THEMIS: variants seen among roughly 807,000 people sequenced by gnomAD.
THEMIS encodes thymocyte selection associated, also known as protein THEMIS.
Under a neutral mutation model 52.6 loss-of-function variants are expected in THEMIS, and 37 were observed. The observed-to-expected ratio is 0.70, with a 90% CI of 0.54 to 0.93. The LOEUF (loss-of-function observed/expected upper bound fraction) is 0.93. THEMIS is among the 40% of genes least tolerant of loss of function. THEMIS has a pLI of 0.00. For synonymous variants in THEMIS, 292 were observed against 272.7 expected, an observed-to-expected ratio of 1.07 and a Z score of -0.70; for missense variants, 808 against 763.1, an observed-to-expected ratio of 1.06 and a Z score of -0.69.
chr6:127,829,419 T>C (rs1034983930), intron 3 of THEMIS, 57 bp downstream of exon 3: 4 of 1,431,306 alleles, frequency 2.8e-6, no homozygotes, highest in Non-Finnish European at 3.8e-6. Context: ...AAAATCTTTC[T>C]TTCCCAAACC....
intron 1 of THEMIS, among the ~76,000 whole-genome samples, chr6:127,866,943 T>TTTTTA (rs1779997981): frequency 7.3e-6 from 1 of 137,914 alleles, no homozygotes; most frequent in Non-Finnish European, 1.6e-5. Context: ...AAGATTTTTA[T>TTTTTA]TTTTATTTTA....
intron 1 of THEMIS, among the ~76,000 whole-genome samples, chr6:127,908,069 G>C (rs1781321939): frequency 1.3e-5 from 2 of 152,034 alleles, no homozygotes; most frequent in African/African-American, 4.8e-5. Flanking sequence ...TCACCACCTG[G>C]TTTTCAAAGA....
intron 1 of THEMIS, among the ~76,000 whole-genome samples, chr6:127,877,923 A>C (rs376363424): frequency 3.3e-5 from 5 of 152,292 alleles, no homozygotes; most frequent in Admixed American, 2.0e-4. Context: ...TCTGTTCAAG[A>C]GTTTTAACCA....
At position 127,750,670 on chromosome 6, in the gene THEMIS, A is replaced by C. The variant is rs1323268216; in HGVS notation, c.1759-30847T>G. Among the ~76,000 whole-genome samples, 6 of 151,974 alleles carry C rather than the reference A, an allele frequency of 3.9e-5. No individual in the cohort carries two copies. In the East Asian group the frequency reaches 1.2e-3, roughly 29 times the overall value. On this transcript the variant is annotated intron_variant, in intron 4 of 5. Transcript: ENST00000368248. ...ACACTGACTACATAATTGCTGATGC[A>C]ATTTTAAATTAATAGTTCAAGGTTT...
chr6:127,718,884 G>T (rs1204476620), intron 5 of THEMIS, among the ~76,000 whole-genome samples: 1 of 151,720 alleles, frequency 6.6e-6, no homozygotes, highest in African/African-American at 2.4e-5. Context: ...TGCAGACAGG[G>T]TTTGGAGCAG....
At chr6:127,857,662 C>T (rs947082653) in intron 1 of THEMIS, among the ~76,000 whole-genome samples, 2 of 152,088 alleles carry the variant, frequency 1.3e-5, no homozygotes, top group Admixed American at 6.6e-5. Flanking sequence ...CTATACAAAC[C>T]TTGGTCCACC....
intron 1 of THEMIS, 35 bp downstream of exon 1, chr6:127,900,807 T>C (rs372627173): frequency 6.4e-7 from 1 of 1,563,694 alleles, no homozygotes; most frequent in African/African-American, 1.4e-5. Flanking sequence ...TTTACAAGAA[T>C]GTTCTAGCCA....
chr6:127,808,232 A>G (rs937016243), intron 4 of THEMIS, among the ~76,000 whole-genome samples: 1 of 152,198 alleles, frequency 6.6e-6, no homozygotes, highest in African/African-American at 2.4e-5. Flanking sequence ...CTGTCTTGTT[A>G]TAGACCCTTT....
chr6:127,740,364 G>GT (rs1201045120), intron 4 of THEMIS, among the ~76,000 whole-genome samples: 1 of 152,102 alleles, frequency 6.6e-6, no homozygotes. Context: ...GAAGTTACCC[G>GT]TTTGTGACCC....
intron 1 of THEMIS, among the ~76,000 whole-genome samples, chr6:127,894,986 T>C (rs1780920853): frequency 6.8e-6 from 1 of 148,088 alleles, no homozygotes; most frequent in African/African-American, 2.5e-5. Flanking sequence ...TATATGAATA[T>C]ATATATTTAT....
At chr6:127,750,316 C>T (rs1775593405) in intron 4 of THEMIS, among the ~76,000 whole-genome samples, 1 of 151,530 alleles carries the variant, frequency 6.6e-6, no homozygotes, top group South Asian at 2.1e-4. Context: ...TTGAGTCAGG[C>T]ATGTTTTTTT....
In THEMIS at chr6:127,708,324, G is replaced by A. The variant is rs899458956; in HGVS notation, c.*1661C>T. On this transcript the variant is annotated 3_prime_UTR_variant, in exon 6 of 6. Transcript: ENST00000368248. ...TGTGAAAGGACTTATATTTAGAAAT[G>A]TTATATATGATTTCTATTAGAAAGC... 3 of 152,056 alleles carry A rather than the reference G, an allele frequency of 2.0e-5. No individual in the cohort carries two copies. Among genetic ancestry groups the A allele is most frequent in the African/African-American group, 7.2e-5 (3 of 41,410 alleles). The allele number at this position is 152,056 out of a possible 1,614,324, so 9.4% of individuals were successfully genotyped here.
At chr6:127,908,666 A>C (rs1318518893) in intron 1 of THEMIS, among the ~76,000 whole-genome samples, 2 of 152,122 alleles carry the variant, frequency 1.3e-5, no homozygotes, top group Non-Finnish European at 2.9e-5. Flanking sequence ...GAGATTTTCC[A>C]GTTCTTCCCT....
rs577917343 is a variant in THEMIS, at chr6:127,757,640, G to A, written c.1759-37817C>T. ...TGGGACTACAGGCGCCCGCCACCAC[G>A]CCCGGCTAGATTTTCGTATTTTTTA... On this transcript the variant is annotated intron_variant, in intron 4 of 5. Coordinates refer to ENST00000368248, the MANE Select transcript of THEMIS (RefSeq NM_001010923.3). Among the ~76,000 whole-genome samples the A allele has an allele frequency of 9.9e-5, 15 of 152,050 alleles. No homozygotes were observed. The East Asian group carries it at 1.9e-3, about 20-fold the overall frequency.
At chr6:127,770,475 AT>A (rs1562246358) in intron 4 of THEMIS, among the ~76,000 whole-genome samples, 1 of 151,532 alleles carries the variant, frequency 6.6e-6, no homozygotes, top group Non-Finnish European at 1.5e-5. Flanking sequence ...GGGTTGTTTG[AT>A]TTTTTTCCTG....
intron 4 of THEMIS, among the ~76,000 whole-genome samples, chr6:127,730,303 A>G (rs9491854): frequency 6.9e-6 from 1 of 144,628 alleles, no homozygotes; most frequent in Admixed American, 6.8e-5. Flanking sequence ...AAAGAAAAGA[A>G]AAGAAAAGAA....
At chr6:127,841,764 AG>A (rs1779055812) in intron 2 of THEMIS, among the ~76,000 whole-genome samples, 1 of 152,064 alleles carries the variant, frequency 6.6e-6, no homozygotes, top group Admixed American at 6.6e-5. Context: ...TTATTTTAAA[AG>A]CCTGAATTTC....
chr6:127,893,843 T>C (rs1780885166), intron 1 of THEMIS, among the ~76,000 whole-genome samples: 1 of 152,010 alleles, frequency 6.6e-6, no homozygotes, highest in South Asian at 2.1e-4. Context: ...GGACAAAGAA[T>C]ATGTTTCCTT....
chr6:127,874,017 T>G (rs1780237140), intron 1 of THEMIS, among the ~76,000 whole-genome samples: 1 of 152,238 alleles, frequency 6.6e-6, no homozygotes, highest in Admixed American at 6.5e-5. Context: ...TTTGTTTACT[T>G]TTTGGGAATA....
Sources: gnomAD v4.1 joint callset for allele counts (sites outside exome capture counted in the v4.1 genomes callset) on GRCh38, gnomAD v4.1.1 for gene constraint, MANE v1.5 for transcripts, NCBI Gene and HGNC (gene_info 2026-07-23, HGNC 2026-07-21) for gene names.